The following KDM3B variants were observed in gnomAD, a reference collection of about 807,000 sequenced individuals.
The protein encoded by KDM3B is lysine-specific demethylase 3B.
Under a neutral mutation model 170.0 loss-of-function variants are expected in KDM3B, and 10 were observed. That is an observed-to-expected ratio of 0.06 (90% CI 0.04 to 0.10). The LOEUF (loss-of-function observed/expected upper bound fraction) is 0.10. KDM3B is among the 10% of genes least tolerant of loss of function. The pLI is 1.00. For synonymous variants in KDM3B, 831 were observed against 834.8 expected, an observed-to-expected ratio of 1.00 and a Z score of 0.08; for missense variants, 1,394 against 2,195.2, an observed-to-expected ratio of 0.64 and a Z score of 7.29.
chr5:138,416,669 C>CTG (rs142475836), intron 12 of KDM3B, among the ~76,000 whole-genome samples: 6,208 of 151,716 alleles, frequency 0.041, 169 homozygotes, highest in South Asian at 0.11. Flanking sequence ...TTATACCCCA[C>CTG]TGCTTCTAAG....
intron 23 of KDM3B, among the ~76,000 whole-genome samples, chr5:138,434,680 A>G (rs551431933): frequency 6.6e-6 from 1 of 152,196 alleles, no homozygotes; most frequent in South Asian, 2.1e-4. Context: ...AGCTATAGAT[A>G]CAGATATAGA....
chr5:138,370,996 A>G (rs900974792), intron 1 of KDM3B, among the ~76,000 whole-genome samples: 17 of 152,088 alleles, frequency 1.1e-4, no homozygotes, highest in African/African-American at 4.1e-4. Flanking sequence ...TTTAGTAGAG[A>G]CAGGGTTTCA....
chr5:138,404,626 TA>T (rs574323887), intron 11 of KDM3B, among the ~76,000 whole-genome samples: 61 of 142,430 alleles, frequency 4.3e-4, no homozygotes, highest in Non-Finnish European at 4.6e-4. Flanking sequence ...AAACTCCATC[TA>T]AAAAAAAAAA....
chr5:138,367,056 T>G (rs2126916329), intron 1 of KDM3B, among the ~76,000 whole-genome samples: 1 of 152,348 alleles, frequency 6.6e-6, no homozygotes, highest in East Asian at 1.9e-4. Context: ...AGGATGCAGC[T>G]TGTCCTTTAA....
chr5:138,424,479 G>T, intron 16 of KDM3B, 138 bp downstream of exon 16: 1 of 1,053,576 alleles, frequency 9.5e-7, no homozygotes. Context: ...ACTTCGAGTT[G>T]TCTTGGATTT....
chr5:138,405,390 G>A (rs1295035494), intron 11 of KDM3B, among the ~76,000 whole-genome samples: 5 of 152,080 alleles, frequency 3.3e-5, no homozygotes, highest in African/African-American at 9.7e-5. Flanking sequence ...GCCTGTGGTC[G>A]CAGCTACTTG....
chr5:138,389,114 C>T (rs1762357020), intron 7 of KDM3B, among the ~76,000 whole-genome samples: 3 of 152,248 alleles, frequency 2.0e-5, no homozygotes, highest in Admixed American at 1.3e-4. Flanking sequence ...CCAAATCCTG[C>T]CTGTGAAGCA....
chr5:138,386,250 C>G lies in KDM3B; in HGVS notation c.1009C>G (p.Gln337Glu), dbSNP rs1428862920. ...GNASGEPGLD[Q>E]RAKQPPSTFV... The stretch of plus-strand genomic sequence containing the variant: ...TGCCAGTGGAGAGCCAGGGCTGGAT[C>G]AGAGAGCCAAGCAGCCACCGTCTAC... The change falls in exon 7 of 24, where the codon CAG (glutamine) becomes GAG (glutamate). Residue 337 changes from glutamine (Q) to glutamate (E), a missense_variant. Coordinates refer to ENST00000314358, the MANE Select transcript of KDM3B (RefSeq NM_016604.4). 6.2e-7 allele frequency: 1 copy of G among 1,614,062 alleles called. No homozygotes were observed. Among genetic ancestry groups the G allele is most frequent in the Non-Finnish European group, 8.5e-7 (1 of 1,180,050 alleles).
In KDM3B at chr5:138,391,633, C is replaced by T. The variant is rs1762432232; in HGVS notation, c.2001C>T (p.Thr667=). Residue 667 remains threonine (T), a synonymous_variant, in exon 8 of 24, where the codon ACC becomes ACT. Coordinates refer to ENST00000314358, the MANE Select transcript of KDM3B (RefSeq NM_016604.4). This position sits in a 1 kb window ranked among gnomAD's most constrained non-coding sequence, Gnocchi z 5.0. ...GCTCCTCTTCTGCTACCACTGTCACCTCCAAGGTGGCACCCAGCTGGCCCG... is the reference window on the plus strand; with the variant it reads ...GCTCCTCTTCTGCTACCACTGTCACTTCCAAGGTGGCACCCAGCTGGCCCG... ...SGSSSSATTV[T]SKVAPSWPES... is the part of the protein sequence containing the mutation. 1 of 1,614,190 alleles carries T rather than the reference C, an allele frequency of 6.2e-7. No individual in the cohort carries two copies. Among genetic ancestry groups the T allele is most frequent in the East Asian group, 2.2e-5 (1 of 44,886 alleles).
At chr5:138,399,035 C>T (rs1044812016) in intron 10 of KDM3B, among the ~76,000 whole-genome samples, 1 of 151,154 alleles carries the variant, frequency 6.6e-6, no homozygotes, top group Non-Finnish European at 1.5e-5. Flanking sequence ...ACTACAGGCG[C>T]CCACCACCAA....
rs779554519 is a variant in KDM3B, at chr5:138,359,785, T to C, written c.192+6798T>C. Among the ~76,000 whole-genome samples, 31 of 152,192 alleles carry C rather than the reference T, an allele frequency of 2.0e-4. 1 individual carries two copies. The highest frequency in any genetic ancestry group is 6.0e-4 in the African/African-American group (25 of 41,460). On this transcript the variant is annotated intron_variant, in intron 1 of 23. Coordinates refer to ENST00000314358, the MANE Select transcript of KDM3B (RefSeq NM_016604.4). ...TTGAATGTGTATCATAGTTATCTCA[T>C]GTATCCAGAAGTTACCAGAGAAGTG...
intron 1 of KDM3B, among the ~76,000 whole-genome samples, chr5:138,362,276 C>T (rs1001005395): frequency 6.7e-6 from 1 of 149,290 alleles, no homozygotes; most frequent in African/African-American, 2.5e-5. Context: ...AAGATTGCAC[C>T]ACTGTACTCC....
At chr5:138,419,946 C>T (rs900843238) in intron 14 of KDM3B, among the ~76,000 whole-genome samples, 1 of 151,924 alleles carries the variant, frequency 6.6e-6, no homozygotes, top group Non-Finnish European at 1.5e-5. Flanking sequence ...AGTGCAGTGG[C>T]GCGATCTTGG....
intron 3 of KDM3B, among the ~76,000 whole-genome samples, chr5:138,375,956 T>G (rs1761987977): frequency 6.8e-6 from 1 of 146,840 alleles, no homozygotes; most frequent in Non-Finnish European, 1.5e-5. Flanking sequence ...GGATTACAGG[T>G]GTGATCAACC....
chr5:138,391,764 C>G lies in KDM3B; in HGVS notation c.2132C>G (p.Thr711Ser), dbSNP rs767361238. 1 of 1,614,050 alleles carries G rather than the reference C, an allele frequency of 6.2e-7. No homozygotes were observed. The highest frequency in any genetic ancestry group is 8.5e-7 in the Non-Finnish European group (1 of 1,180,000). ...TCTGGTGTTCTGGGCTCAGCTCTTA[C>G]CAGTGGGGGCCCAAGCCTCTCTGCC... Reference protein sequence around the residue: ...LVSGVLGSALTSGGPSLSAMG... With the variant: ...LVSGVLGSALSSGGPSLSAMG... Residue 711 changes from threonine to serine, a missense_variant, in exon 8 of 24, where the codon ACC becomes AGC. Around this residue, in one of 19 missense-constraint regions of KDM3B, gnomAD observed 294 missense variants for 311.7 expected, o/e 0.94. Transcript: ENST00000314358. The surrounding 1 kb of genome is among the most constrained non-coding windows in gnomAD (Gnocchi z 5.0).
rs1356180142 is a variant in KDM3B, at chr5:138,399,774, ATAG to A, written c.3047-85_3047-83del. ...TCTTTGAGTTTTATTGCTGAACAAA[ATAG>A]CTTGAGTAGGGATCAGTGGGTCTGG... On this transcript the variant is annotated intron_variant, in intron 10 of 23. Transcript: ENST00000314358. 23 of 1,253,738 alleles carry A rather than the reference ATAG, an allele frequency of 1.8e-5. No individual in the cohort carries two copies. The African/African-American group carries it at 3.1e-4, about 17-fold the overall frequency. The allele number at this position is 1,253,738 out of a possible 1,614,324, so 77.7% of individuals were successfully genotyped here. A position where few individuals can be genotyped will look rare whatever the true frequency, so the allele number is the denominator to read the frequency against.
chr5:138,377,437 A>G (rs548511332), intron 3 of KDM3B, among the ~76,000 whole-genome samples: 1 of 136,062 alleles, frequency 7.3e-6, no homozygotes, highest in Non-Finnish European at 1.5e-5. Flanking sequence ...TTTGTTGTTC[A>G]CAAGAGACAG....
At chr5:138,415,791 C>T (rs1303190880) in intron 12 of KDM3B, among the ~76,000 whole-genome samples, 1 of 152,068 alleles carries the variant, frequency 6.6e-6, no homozygotes, top group Non-Finnish European at 1.5e-5. Flanking sequence ...CACGTGGCCA[C>T]TGCACACTCT....
At chr5:138,411,866 A>AT (rs1038276844) in intron 11 of KDM3B, among the ~76,000 whole-genome samples, 30 of 150,154 alleles carry the variant, frequency 2.0e-4, no homozygotes, top group African/African-American at 5.1e-4. Context: ...CCCCCAGCCA[A>AT]TTTTTTTGTA....
Sources: gnomAD v4.1 joint callset for allele counts (sites outside exome capture counted in the v4.1 genomes callset) on GRCh38, gnomAD v4.1.1 for gene constraint, gnomAD v4.1.1 regional missense constraint, Gnocchi (gnomAD v3.1) non-coding constraint, MANE v1.5 for transcripts, NCBI Gene and HGNC (gene_info 2026-07-23, HGNC 2026-07-21) for gene names.